Variants in TRPM3 observed in about 807,000 individuals in gnomAD.
TRPM3 encodes the protein transient receptor potential cation channel subfamily M member 3, also known as long transient receptor potential channel 3.
In TRPM3, 77 loss-of-function variants were observed where a neutral mutation model predicts 181.2. The ratio of observed to expected loss-of-function variants is 0.42; its 90% confidence interval spans 0.35 to 0.51. The LOEUF (loss-of-function observed/expected upper bound fraction) is 0.51. Among genes scored for constraint, TRPM3 ranks in the 20% least tolerant of loss-of-function variants. The pLI, the probability that TRPM3 is intolerant of heterozygous loss-of-function variation, is 0.01. For synonymous variants in TRPM3, 745 were observed against 796.4 expected, an observed-to-expected ratio of 0.94 and a Z score of 1.09; for missense variants, 1,759 against 2,196.7, an observed-to-expected ratio of 0.80 and a Z score of 3.98.
intron 19 of TRPM3, among the ~76,000 whole-genome samples, chr9:70,606,990 A>AACTC (rs2061276455): frequency 6.6e-6 from 1 of 151,988 alleles, no homozygotes; most frequent in South Asian, 2.1e-4. Flanking sequence ...CTACTAGAGA[A>AACTC]ACTCAGAGCA....
intron 1 of TRPM3, among the ~76,000 whole-genome samples, chr9:70,967,691 A>T (rs1345678050): frequency 6.6e-6 from 1 of 152,124 alleles, no homozygotes; most frequent in Non-Finnish European, 1.5e-5. Context: ...CCTCTGAGTA[A>T]AACAAGACTC....
chr9:71,048,377 T>C (rs751121947), intron 1 of TRPM3, among the ~76,000 whole-genome samples: 14 of 152,200 alleles, frequency 9.2e-5, no homozygotes, highest in Non-Finnish European at 1.3e-4. Context: ...TAATCTACAC[T>C]GCCCAGCAGG....
chr9:71,063,591 T>C (rs2061568263), intron 1 of TRPM3, among the ~76,000 whole-genome samples: 1 of 152,000 alleles, frequency 6.6e-6, no homozygotes, highest in Non-Finnish European at 1.5e-5. Flanking sequence ...GATTCAATAG[T>C]CAGAGGCAGG....
chr9:70,690,974 T>A (rs2068370670), intron 8 of TRPM3, among the ~76,000 whole-genome samples: 1 of 152,220 alleles, frequency 6.6e-6, no homozygotes, highest in Non-Finnish European at 1.5e-5. Flanking sequence ...GTTAACATTT[T>A]GCCAAAGAGA....
At chr9:70,681,608 A>C (rs767853181) in intron 8 of TRPM3, 30 bp from the exon 9 acceptor site, 2 of 1,597,382 alleles carry the variant, frequency 1.3e-6, no homozygotes, top group South Asian at 2.2e-5. Context: ...GATCATTAGC[A>C]AAGCATTTTT....
chr9:70,750,348 T>A (rs2075913877), intron 8 of TRPM3, among the ~76,000 whole-genome samples: 1 of 152,166 alleles, frequency 6.6e-6, no homozygotes, highest in Admixed American at 6.5e-5. Context: ...CCAGACTGCA[T>A]TCAGACTGTG....
rs2060953638 is a variant in TRPM3, at chr9:70,605,743, C to CTCTT, written c.2668-2277_2668-2274dup. Among the ~76,000 whole-genome samples, 5 of 152,342 alleles carry CTCTT rather than the reference C, an allele frequency of 3.3e-5. No individual in the cohort carries two copies. The South Asian group carries it at 1.0e-3, about 32-fold the overall frequency. ...ACTCTCAGCCTCCTTCTGACTTGAA[C>CTCTT]TCTTTCCCTCTCCTTGTTGCTTCCT... On this transcript the variant is annotated intron_variant, in intron 19 of 25. Coordinates refer to ENST00000677713, the MANE Select transcript of TRPM3 (RefSeq NM_001366145.2).
intron 1 of TRPM3, among the ~76,000 whole-genome samples, chr9:71,434,029 C>T (rs749231636): frequency 3.3e-5 from 5 of 151,950 alleles, no homozygotes; most frequent in African/African-American, 9.7e-5. Context: ...CGTGGTGGCG[C>T]GCACCTGTAG....
rs75993872 is a variant in TRPM3 at position 71,232,587 on chromosome 9, G to A, written c.183+214066C>T. 1.8e-3 allele frequency among the ~76,000 whole-genome samples: 240 copies of A among 130,278 alleles called. 4 individuals carry two copies. Among genetic ancestry groups the A allele is most frequent in the Admixed American group, 0.016 (173 of 10,882 alleles). 85.5% of individuals were successfully genotyped at this position (130,278 alleles called of 152,430 possible). ...ACGATCTCCACTCACTGCAACCTCCGCCTCCCAGGTTCAAGCAATTCTCCT... is the reference window on the plus strand; with the variant it reads ...ACGATCTCCACTCACTGCAACCTCCACCTCCCAGGTTCAAGCAATTCTCCT... On this transcript the variant is annotated intron_variant, in intron 1 of 24. Coordinates refer to the TRPM3 transcript ENST00000357533.
intron 6 of TRPM3, among the ~76,000 whole-genome samples, chr9:70,793,925 G>A (rs13283531): frequency 0.079 from 12,041 of 152,050 alleles, 532 homozygotes; most frequent in Non-Finnish European, 0.11. Flanking sequence ...TCATGTAAAC[G>A]CTCTGGGTAC....
At chr9:71,013,778 CTT>C (rs1273866664) in intron 1 of TRPM3, among the ~76,000 whole-genome samples, 7 of 152,038 alleles carry the variant, frequency 4.6e-5, no homozygotes, top group South Asian at 4.1e-4. Flanking sequence ...ATTGCCATCT[CTT>C]GTTTTGTACA....
intron 22 of TRPM3, among the ~76,000 whole-genome samples, chr9:70,554,109 A>G (rs1443018012): frequency 6.6e-6 from 1 of 151,742 alleles, no homozygotes; most frequent in Admixed American, 6.6e-5. Flanking sequence ...GAGGAAGGTG[A>G]TATGTGGGAT....
chr9:71,267,245 T>C (rs2083453246), intron 1 of TRPM3, among the ~76,000 whole-genome samples: 1 of 152,204 alleles, frequency 6.6e-6, no homozygotes, highest in South Asian at 2.1e-4. Context: ...CACCCACCTC[T>C]ACCATTACAT....
intron 1 of TRPM3, among the ~76,000 whole-genome samples, chr9:71,005,403 T>C (rs1194024687): frequency 1.3e-5 from 2 of 150,964 alleles, no homozygotes; most frequent in Admixed American, 6.6e-5. Context: ...TGAAACTCCA[T>C]GTCAAAAAAA....
At chr9:70,861,095 G>T (rs955980273) in intron 3 of TRPM3, among the ~76,000 whole-genome samples, 10 of 150,796 alleles carry the variant, frequency 6.6e-5, no homozygotes, top group African/African-American at 2.2e-4. Context: ...TTTTTTAACG[G>T]TAAAAAACTT....
chr9:70,892,716 C>T (rs1291782905), intron 1 of TRPM3, among the ~76,000 whole-genome samples: 1 of 151,716 alleles, frequency 6.6e-6, no homozygotes, highest in East Asian at 1.9e-4. Flanking sequence ...GCATGTAGCT[C>T]AAGAGTTTTC....
At chr9:71,212,462 G>C (rs2079567778) in intron 1 of TRPM3, among the ~76,000 whole-genome samples, 1 of 151,430 alleles carries the variant, frequency 6.6e-6, no homozygotes. Flanking sequence ...TGAAAAAAAA[G>C]TTTCCAAGGG....
chr9:70,947,648 G>C (rs534918203), intron 1 of TRPM3, among the ~76,000 whole-genome samples: 3 of 152,226 alleles, frequency 2.0e-5, no homozygotes, highest in Admixed American at 2.0e-4. Flanking sequence ...AGAGAAGGTG[G>C]GGGGATGGAG....
intron 7 of TRPM3, chr9:70,775,574 C>T (rs866193479): frequency 2.6e-5 from 4 of 152,218 alleles, no homozygotes; most frequent in East Asian, 3.9e-4. Flanking sequence ...AAGAAGCCCC[C>T]GGAATTTTGA....
Sources: gnomAD v4.1 joint callset for allele counts (sites outside exome capture counted in the v4.1 genomes callset) on GRCh38, gnomAD v4.1.1 for gene constraint, MANE v1.5 for transcripts, NCBI Gene and HGNC (gene_info 2026-07-23, HGNC 2026-07-21) for gene names.